GADL1: variants seen among roughly 807,000 people sequenced by gnomAD.
The protein encoded by GADL1 is GAD like acidic amino acid decarboxylase 1.
In GADL1, 71 loss-of-function variants were observed where a neutral mutation model predicts 69.5. That is an observed-to-expected ratio of 1.02 (90% CI 0.84 to 1.25). GADL1 has a LOEUF of 1.25. GADL1 is among the 50% of genes most tolerant of loss of function. The pLI is 0.00. For synonymous variants in GADL1, 254 were observed against 214.4 expected (o/e 1.18, Z -1.62); for missense variants, 737 against 631.8 (o/e 1.17, Z -1.79).
chr3:30,730,955 C>G (rs2125468377), intron 14 of GADL1, among the ~76,000 whole-genome samples: 1 of 152,332 alleles, frequency 6.6e-6, no homozygotes, highest in South Asian at 2.1e-4. Flanking sequence ...CTTTTAAAAT[C>G]TCTCTGGCCA....
intron 11 of GADL1, among the ~76,000 whole-genome samples, chr3:30,832,195 G>A (rs546473873): frequency 7.9e-5 from 12 of 151,342 alleles, no homozygotes; most frequent in Admixed American, 1.3e-4. Flanking sequence ...AATTGAAAAC[G>A]GTCTTTTCAT....
At chr3:30,787,610 A>G (rs1026299900) in intron 12 of GADL1, among the ~76,000 whole-genome samples, 1 of 152,152 alleles carries the variant, frequency 6.6e-6, no homozygotes, top group Non-Finnish European at 1.5e-5. Context: ...ATCACACCGA[A>G]CATCAGGAAT....
Position 30,828,275 on chromosome 3 carries a change from C to T in GADL1, c.1050+5578G>A, listed in dbSNP as rs529725820. On this transcript the variant is annotated intron_variant, in intron 11 of 14. Coordinates refer to ENST00000282538, the MANE Select transcript of GADL1 (RefSeq NM_207359.3). Reference sequence around the variant, plus strand: ...TAATATCAATCATTCAGAACAGAAACGAAAATGGGGCTAAGTAACCTGCTT... The same window carrying T: ...TAATATCAATCATTCAGAACAGAAATGAAAATGGGGCTAAGTAACCTGCTT... Among the ~76,000 whole-genome samples the T allele has an allele frequency of 6.6e-5, 10 of 151,816 alleles. No homozygotes were observed. The East Asian group carries it at 7.8e-4, about 12-fold the overall frequency.
chr3:30,783,176 T>C (rs1696706001), intron 13 of GADL1, among the ~76,000 whole-genome samples: 1 of 152,124 alleles, frequency 6.6e-6, no homozygotes, highest in Admixed American at 6.5e-5. Context: ...ACTCAGTTGA[T>C]GAAACATTAA....
intron 1 of GADL1, among the ~76,000 whole-genome samples, chr3:30,881,641 T>C (rs1698641961): frequency 6.6e-6 from 1 of 151,892 alleles, no homozygotes; most frequent in Non-Finnish European, 1.5e-5. Flanking sequence ...TGGACACATC[T>C]CTACTCTTTA....
intron 1 of GADL1, among the ~76,000 whole-genome samples, chr3:30,890,700 ATTC>A (rs60343035): frequency 0.019 from 2,857 of 152,310 alleles, 43 homozygotes; most frequent in Middle Eastern, 0.034. Flanking sequence ...GCTAGTGGAT[ATTC>A]TTCATCAATA....
Position 30,849,883 on chromosome 3 carries a change from A to G in GADL1, c.651+113T>C, listed in dbSNP as rs1698120194. The G allele has an allele frequency of 4.7e-6, 3 of 642,250 alleles. No individual in the cohort carries two copies. The South Asian group carries it at 5.8e-5, about 12-fold the overall frequency. The allele number at this position is 642,250 out of a possible 1,614,324, so 39.8% of individuals were successfully genotyped here. ...GGAATGAAATACTATGTTATACTGC[A>G]GCATATTAGTCACATGGGTATAGGA... On this transcript the variant is annotated intron_variant, in intron 6 of 14. Transcript: ENST00000282538.
At position 30,857,129 on chromosome 3, in the gene GADL1, T is replaced by G; in HGVS notation, c.223A>C (p.Arg75=). The change falls in exon 3 of 15, where the codon AGG becomes CGG. Residue 75 remains arginine, a synonymous_variant. Coordinates refer to ENST00000282538, the MANE Select transcript of GADL1 (RefSeq NM_207359.3). ...AGCTGTTTCAGTTGTTCAGGAGGCC[T>G]CCATTCACACACCTGGAGATTCAAC... ...TDVNEKVCEW[R]PPEQLKQLLD... 6.5e-7 allele frequency: 1 copy of G among 1,550,102 alleles called. No individual in the cohort carries two copies. The highest frequency in any genetic ancestry group is 2.4e-5 in the East Asian group (1 of 40,872).
chr3:30,885,490 A>T (rs1698691154), intron 1 of GADL1, among the ~76,000 whole-genome samples: 1 of 152,116 alleles, frequency 6.6e-6, no homozygotes, highest in Non-Finnish European at 1.5e-5. Flanking sequence ...ATCCCCACCA[A>T]GTTTTGTTTT....
chr3:30,870,809 A>C (rs1313716666), intron 1 of GADL1, among the ~76,000 whole-genome samples: 2 of 151,722 alleles, frequency 1.3e-5, no homozygotes, highest in African/African-American at 4.9e-5. Context: ...AAGCAAAAGA[A>C]TTTAAAGTAA....
At chr3:30,797,592 G>C (rs1373239955) in intron 12 of GADL1, 3 of 152,046 alleles carry the variant, frequency 2.0e-5, no homozygotes, top group Non-Finnish European at 4.4e-5. Context: ...ACAGGATTTA[G>C]GTCTTGAATC....
rs116473608 is a variant in GADL1 at position 30,738,258 on chromosome 3, A to T, written c.1393-9843T>A. On this transcript the variant is annotated intron_variant, in intron 14 of 14. Coordinates refer to ENST00000282538, the MANE Select transcript of GADL1 (RefSeq NM_207359.3). ...GAGGTGCTACCAACTCCCTTGGGGC[A>T]TTTGGAATCATGGCAAAGCATTTTG... Among the ~76,000 whole-genome samples, 1,101 of 152,236 alleles carry T rather than the reference A, an allele frequency of 7.2e-3. 8 individuals carry two copies. The highest frequency in any genetic ancestry group is 0.025 in the African/African-American group (1,042 of 41,528).
intron 1 of GADL1, among the ~76,000 whole-genome samples, chr3:30,870,515 A>G (rs192094532): frequency 6.6e-6 from 1 of 151,920 alleles, no homozygotes; most frequent in East Asian, 1.9e-4. Context: ...TTTACTCTAA[A>G]ATCAACAAGA....
intron 14 of GADL1, among the ~76,000 whole-genome samples, chr3:30,769,129 T>C (rs1696356577): frequency 6.6e-6 from 1 of 152,144 alleles, no homozygotes; most frequent in Non-Finnish European, 1.5e-5. Context: ...TAAATAAAAT[T>C]AAATTCAACT....
At chr3:30,778,051 T>C (rs559097102) in intron 14 of GADL1, 128 bp downstream of exon 14, 67 of 600,336 alleles carry the variant, frequency 1.1e-4, no homozygotes, top group African/African-American at 1.0e-3. Flanking sequence ...CATTACTTTT[T>C]AACAAACTAG....
At chr3:30,764,990 T>C (rs1325180709) in intron 14 of GADL1, among the ~76,000 whole-genome samples, 1 of 152,164 alleles carries the variant, frequency 6.6e-6, no homozygotes, top group African/African-American at 2.4e-5. Flanking sequence ...GCAGGAAAAG[T>C]CTGACAATGC....
At chr3:30,863,039 ACACACACACACACACT>A (rs1258537159) in intron 1 of GADL1, among the ~76,000 whole-genome samples, 1 of 148,884 alleles carries the variant, frequency 6.7e-6, no homozygotes, top group African/African-American at 2.4e-5. Context: ...ACACACACAC[ACACACACACACACACT>A]CTCTCTCACA....
intron 14 of GADL1, among the ~76,000 whole-genome samples, chr3:30,753,633 A>G: frequency 8.3e-6 from 1 of 120,712 alleles, no homozygotes; most frequent in East Asian, 2.7e-4. Context: ...ACTTAAGATC[A>G]CTCTTGTTTA....
Position 30,728,303 on chromosome 3 carries a change from A to C in GADL1, c.1505T>G (p.Val502Gly). Residue 502 changes from valine (V) to glycine (G), a missense_variant, in exon 15 of 15, where the codon GTG becomes GGG. Coordinates refer to ENST00000282538, the MANE Select transcript of GADL1 (RefSeq NM_207359.3). ...GAGGAAGTCCATGTCCTCCCGGCTCACTTGAGGGCTGATCACCACCTGGCG... is the reference window on the plus strand; with the variant it reads ...GAGGAAGTCCATGTCCTCCCGGCTCCCTTGAGGGCTGATCACCACCTGGCG... ...FFRQVVISPQVSREDMDFLLD... is the reference protein window; with the variant it reads ...FFRQVVISPQGSREDMDFLLD... 6.2e-7 allele frequency: 1 copy of C among 1,613,816 alleles called. No individual in the cohort carries two copies. The highest frequency in any genetic ancestry group is 2.2e-5 in the East Asian group (1 of 44,832).
Sources: allele counts gnomAD v4.1 joint callset (sites outside exome capture counted in the v4.1 genomes callset), GRCh38; gene constraint gnomAD v4.1.1; transcripts MANE v1.5; gene names NCBI Gene and HGNC (gene_info 2026-07-23, HGNC 2026-07-21).